Variants in SEMA5A observed in about 807,000 individuals in gnomAD.
SEMA5A encodes the protein semaphorin 5A.
Under a neutral mutation model 135.5 loss-of-function variants are expected in SEMA5A, and 55 were observed. The ratio of observed to expected loss-of-function variants is 0.41; its 90% CI spans 0.33 to 0.51. SEMA5A has a LOEUF of 0.51. SEMA5A is among the 20% of genes least tolerant of loss of function. The pLI is 0.37. For synonymous variants in SEMA5A, 580 were observed against 546.5 expected, an observed-to-expected ratio of 1.06 and a Z score of -0.85; for missense variants, 1,290 against 1,419.9, an observed-to-expected ratio of 0.91 and a Z score of 1.47.
At chr5:9,239,805 T>C (rs78428352) in intron 5 of SEMA5A, among the ~76,000 whole-genome samples, 2 of 152,096 alleles carry the variant, frequency 1.3e-5, no homozygotes, top group Admixed American at 6.6e-5. Flanking sequence ...TAAAGAGTCA[T>C]TCACGGTGGC....
intron 2 of SEMA5A, among the ~76,000 whole-genome samples, chr5:9,432,125 T>C (rs1191862798): frequency 6.6e-6 from 1 of 151,338 alleles, no homozygotes; most frequent in East Asian, 1.9e-4. Context: ...CTCCTGTCAG[T>C]GAGCTTTGGT....
chr5:9,524,500 A>G (rs1042861473), intron 1 of SEMA5A, among the ~76,000 whole-genome samples: 9 of 152,210 alleles, frequency 5.9e-5, no homozygotes, highest in African/African-American at 2.2e-4. Context: ...GCCAGCAATT[A>G]CAGGAAGCTG....
chr5:9,301,187 G>A (rs769272755), intron 5 of SEMA5A, among the ~76,000 whole-genome samples: 15 of 152,110 alleles, frequency 9.9e-5, no homozygotes, highest in African/African-American at 3.4e-4. Flanking sequence ...TTCACCAAAG[G>A]TAATGTTTAG....
At chr5:9,501,426 G>C (rs748523119) in intron 1 of SEMA5A, among the ~76,000 whole-genome samples, 1 of 152,156 alleles carries the variant, frequency 6.6e-6, no homozygotes, top group Admixed American at 6.5e-5. Flanking sequence ...ACTGTATTAA[G>C]TATACATATA....
At chr5:9,449,387 G>C (rs553038564) in intron 1 of SEMA5A, among the ~76,000 whole-genome samples, 3 of 152,120 alleles carry the variant, frequency 2.0e-5, no homozygotes, top group South Asian at 4.2e-4. Flanking sequence ...TGGATATATG[G>C]GGGGGAACAA....
chr5:9,117,609 G>A (rs532936447), intron 15 of SEMA5A, among the ~76,000 whole-genome samples: 5 of 151,932 alleles, frequency 3.3e-5, no homozygotes, highest in Non-Finnish European at 4.4e-5. Flanking sequence ...GCATTTTGAC[G>A]GCAAAAGTCA....
intron 11 of SEMA5A, among the ~76,000 whole-genome samples, chr5:9,181,527 G>GCCT (rs910147259): frequency 1.3e-5 from 2 of 151,942 alleles, no homozygotes; most frequent in African/African-American, 4.8e-5. Context: ...ACACAGTCAC[G>GCCT]CCTCCTTCCC....
At chr5:9,319,526 C>T (rs1752533857) in intron 4 of SEMA5A, among the ~76,000 whole-genome samples, 1 of 152,008 alleles carries the variant, frequency 6.6e-6, no homozygotes, top group African/African-American at 2.4e-5. Flanking sequence ...ATTAACCTAC[C>T]TCAGTATTCT....
intron 11 of SEMA5A, among the ~76,000 whole-genome samples, chr5:9,157,836 C>A (rs2150271555): frequency 6.6e-6 from 1 of 152,356 alleles, no homozygotes; most frequent in South Asian, 2.1e-4. Flanking sequence ...AGAAGAGACA[C>A]CCCGAAAAAC....
rs1407820633 is a variant in SEMA5A, at chr5:9,040,024, T to TATC, written c.*2870_*2872dup. On this transcript the variant is annotated 3_prime_UTR_variant, in exon 23 of 23. Transcript: ENST00000382496. Reference sequence around the variant, plus strand: ...GCCAGCTTCCTCATGAAAACCAGCCTATCTCCAACTGTATTCAGAAATAAT... The same window carrying TATC: ...GCCAGCTTCCTCATGAAAACCAGCCTATCATCTCCAACTGTATTCAGAAATAAT... The TATC allele has an allele frequency of 6.6e-6, 1 of 152,214 alleles. No homozygotes were observed. Among genetic ancestry groups the TATC allele is most frequent in the African/African-American group, 2.4e-5 (1 of 41,454 alleles). 9.4% of individuals were successfully genotyped at this position (152,214 alleles called of 1,614,324 possible).
chr5:9,050,240 A>T (rs961084856), intron 21 of SEMA5A, among the ~76,000 whole-genome samples, 170 bp downstream of exon 21: 1 of 152,184 alleles, frequency 6.6e-6, no homozygotes, highest in Non-Finnish European at 1.5e-5. Context: ...CGGTACATCA[A>T]ATATTGACTA....
At chr5:9,298,309 C>A (rs1751441716) in intron 5 of SEMA5A, among the ~76,000 whole-genome samples, 1 of 152,102 alleles carries the variant, frequency 6.6e-6, no homozygotes, top group Non-Finnish European at 1.5e-5. Flanking sequence ...GCTGAGAATG[C>A]CAAGGATTGC....
chr5:9,430,910 G>T (rs559147062), intron 2 of SEMA5A, among the ~76,000 whole-genome samples: 3 of 151,246 alleles, frequency 2.0e-5, no homozygotes, highest in Admixed American at 6.6e-5. Flanking sequence ...AGAGGCCACA[G>T]GTCAAATTTT....
intron 5 of SEMA5A, among the ~76,000 whole-genome samples, chr5:9,305,231 T>C (rs1751803166): frequency 6.6e-6 from 1 of 152,218 alleles, no homozygotes; most frequent in South Asian, 2.1e-4. Context: ...GGGAAATTTT[T>C]ATCAAATTTA....
At chr5:9,111,380 A>G (rs1740229807) in intron 15 of SEMA5A, among the ~76,000 whole-genome samples, 1 of 152,218 alleles carries the variant, frequency 6.6e-6, no homozygotes, top group Admixed American at 6.5e-5. Flanking sequence ...ACAGCAACTG[A>G]GCTACCATTT....
chr5:9,100,094 A>AT (rs1269851198), intron 16 of SEMA5A, among the ~76,000 whole-genome samples: 2 of 152,242 alleles, frequency 1.3e-5, no homozygotes, highest in African/African-American at 4.8e-5. Context: ...ATCTGGCCTA[A>AT]TAATGGGTAT....
At chr5:9,258,022 A>G (rs1213489855) in intron 5 of SEMA5A, among the ~76,000 whole-genome samples, 2 of 152,172 alleles carry the variant, frequency 1.3e-5, no homozygotes, top group Non-Finnish European at 2.9e-5. Context: ...TAGTGCAAAC[A>G]TGCTGAGATT....
chr5:9,152,646 C>T (rs1330432742), intron 12 of SEMA5A, among the ~76,000 whole-genome samples: 1 of 152,196 alleles, frequency 6.6e-6, no homozygotes, highest in Non-Finnish European at 1.5e-5. Flanking sequence ...CTTCCTTCCA[C>T]CTAAGAATAC....
intron 5 of SEMA5A, 66 bp from the exon 6 acceptor site, chr5:9,237,956 G>A (rs1053944995): frequency 6.8e-7 from 1 of 1,471,270 alleles, no homozygotes; most frequent in Non-Finnish European, 9.5e-7. Context: ...ATATAAACAA[G>A]GTAACAAGGC....
Sources: allele counts gnomAD v4.1 joint callset (sites outside exome capture counted in the v4.1 genomes callset), GRCh38; gene constraint gnomAD v4.1.1; transcripts MANE v1.5; gene names NCBI Gene and HGNC (gene_info 2026-07-23, HGNC 2026-07-21).